Variants in CRB1 observed in about 807,000 individuals in gnomAD.
CRB1 encodes the protein crumbs cell polarity complex component 1.
Under a neutral mutation model 120.0 loss-of-function variants are expected in CRB1, and 83 were observed. The observed-to-expected ratio is 0.69, with a 90% CI of 0.58 to 0.83. CRB1 has a LOEUF of 0.83. Among genes scored for constraint, CRB1 ranks in the 40% least tolerant of loss-of-function variants. The probability of loss-of-function intolerance (pLI) is 0.00; values close to 1 mark genes in which losing one functional copy is unlikely to be tolerated. For missense variants in CRB1, 1,699 were observed against 1,687.6 expected (o/e 1.01, Z -0.12); for synonymous variants, 625 against 612.5 (o/e 1.02, Z -0.30).
intron 11 of CRB1, among the ~76,000 whole-genome samples, chr1:197,465,266 C>G (rs1226345171): frequency 6.6e-6 from 1 of 151,932 alleles, no homozygotes; most frequent in Non-Finnish European, 1.5e-5. Flanking sequence ...ATTTTTGTCC[C>G]CTCCAAGAAT....
At chr1:197,312,019 T>G (rs1657559959) in intron 1 of CRB1, among the ~76,000 whole-genome samples, 1 of 152,166 alleles carries the variant, frequency 6.6e-6, no homozygotes. Context: ...TGCTATTCTT[T>G]TCTGTAAGTC....
At chr1:197,442,383 C>A (rs1665495903) in intron 11 of CRB1, 91 bp downstream of exon 11, 11 of 1,607,956 alleles carry the variant, frequency 6.8e-6, no homozygotes, top group Admixed American at 1.7e-5. Flanking sequence ...GAATGACGAG[C>A]CAGTTGTTGA....
chr1:197,296,815 G>T (rs971731848), intron 1 of CRB1, among the ~76,000 whole-genome samples: 1 of 152,006 alleles, frequency 6.6e-6, no homozygotes, highest in Admixed American at 6.6e-5. Context: ...TCATAAGGGG[G>T]AACCCCTTTC....
chr1:197,279,641 A>G (rs149345845), intron 1 of CRB1, among the ~76,000 whole-genome samples: 3 of 151,186 alleles, frequency 2.0e-5, no homozygotes, highest in Admixed American at 1.3e-4. Flanking sequence ...CAGGCTAGCT[A>G]TATGAACTAC....
chr1:197,323,744 C>A (rs1276687040), intron 1 of CRB1, among the ~76,000 whole-genome samples: 1 of 152,100 alleles, frequency 6.6e-6, no homozygotes. Flanking sequence ...TGTATGATTG[C>A]AGCCTGAGGC....
the CRB1 span, among the ~76,000 whole-genome samples, chr1:197,225,141 C>A: frequency 0.012 from 1,776 of 151,860 alleles, 29 homozygotes; most frequent in Non-Finnish European, 0.017. Context: ...GATTTCTTGT[C>A]CAAGTCCATA....
intron 11 of CRB1, among the ~76,000 whole-genome samples, chr1:197,472,288 C>T (rs962247373): frequency 6.6e-6 from 1 of 152,174 alleles, no homozygotes; most frequent in Non-Finnish European, 1.5e-5. Flanking sequence ...TGAAGTAATT[C>T]ATTCCAGTGT....
intron 5 of CRB1, among the ~76,000 whole-genome samples, chr1:197,400,192 A>T (rs1662987440): frequency 6.6e-6 from 1 of 152,076 alleles, no homozygotes; most frequent in African/African-American, 2.4e-5. Flanking sequence ...GGATAAATGA[A>T]CTCATCCATC....
At chr1:197,308,596 T>C (rs1000880704) in intron 1 of CRB1, among the ~76,000 whole-genome samples, 2 of 152,146 alleles carry the variant, frequency 1.3e-5, no homozygotes, top group Non-Finnish European at 2.9e-5. Flanking sequence ...TTCATGAATG[T>C]CATTTTTACT....
chr1:197,464,380 G>A (rs1242272766), intron 11 of CRB1, among the ~76,000 whole-genome samples: 1 of 152,086 alleles, frequency 6.6e-6, no homozygotes, highest in Non-Finnish European at 1.5e-5. Flanking sequence ...GACTAATCAT[G>A]GTTTTCTTCC....
intron 1 of CRB1, among the ~76,000 whole-genome samples, chr1:197,325,137 T>C (rs1416183193): frequency 6.6e-6 from 1 of 152,224 alleles, no homozygotes; most frequent in East Asian, 1.9e-4. Flanking sequence ...TTCTATTGAC[T>C]GCCTTACCAT....
intron 2 of CRB1, among the ~76,000 whole-genome samples, chr1:197,332,062 T>G (rs568740917): frequency 7.4e-4 from 113 of 151,914 alleles, no homozygotes; most frequent in African/African-American, 2.7e-3. Context: ...ATTGCTTGAA[T>G]TGGGGAGGCA....
At chr1:197,354,795 T>G (rs2125349129) in intron 4 of CRB1, among the ~76,000 whole-genome samples, 1 of 98,940 alleles carries the variant, frequency 1.0e-5, no homozygotes, top group African/African-American at 3.7e-5. Flanking sequence ...GCAGCCTGCT[T>G]TTATTCCCTT....
chr1:197,230,374 G>A, the CRB1 span, among the ~76,000 whole-genome samples: 22 of 152,078 alleles, frequency 1.4e-4, no homozygotes, highest in African/African-American at 3.4e-4. Flanking sequence ...TAGAATATGC[G>A]TTGCATTAAT....
chr1:197,357,104 T>G (rs780716191), intron 5 of CRB1, 91 bp downstream of exon 5: 11 of 1,311,794 alleles, frequency 8.4e-6, no homozygotes, highest in Non-Finnish European at 1.2e-5. Flanking sequence ...CAGGAAGAGC[T>G]GTACTGTGTA....
chr1:197,315,411 G>A (rs552407279), intron 1 of CRB1, among the ~76,000 whole-genome samples: 1 of 152,282 alleles, frequency 6.6e-6, no homozygotes, highest in South Asian at 2.1e-4. Flanking sequence ...TGTCAACACA[G>A]ATCAGCCAAA....
At chr1:197,245,799 A>G in the CRB1 span, among the ~76,000 whole-genome samples, 1 of 152,108 alleles carries the variant, frequency 6.6e-6, no homozygotes, top group South Asian at 2.1e-4. Flanking sequence ...GTCAGGGAGA[A>G]GAAGGGCAGG....
At chr1:197,348,384 G>T (rs1659896215) in intron 4 of CRB1, among the ~76,000 whole-genome samples, 1 of 152,148 alleles carries the variant, frequency 6.6e-6, no homozygotes. Context: ...CTAGACTATG[G>T]TGTGTGCTTG....
chr1:197,380,519 C>T (rs75689954), intron 5 of CRB1, among the ~76,000 whole-genome samples: 3,182 of 152,180 alleles, frequency 0.021, 94 homozygotes, highest in African/African-American at 0.069. Context: ...TCAGTGAATT[C>T]GTTCCAGTGA....
Sources: allele counts gnomAD v4.1 joint callset (sites outside exome capture counted in the v4.1 genomes callset), GRCh38; gene constraint gnomAD v4.1.1; transcripts MANE v1.5; gene names NCBI Gene and HGNC (gene_info 2026-07-23, HGNC 2026-07-21).